ASAP1: variants seen among roughly 807,000 people sequenced by gnomAD.
ASAP1 encodes the protein ArfGAP with SH3 domain, ankyrin repeat and PH domain 1.
In ASAP1, 43 loss-of-function variants were observed where a neutral mutation model predicts 145.2. The observed-to-expected ratio is 0.30, with a 90% CI of 0.23 to 0.38. The LOEUF (loss-of-function observed/expected upper bound fraction) is 0.38. ASAP1 is among the 10% of genes least tolerant of loss of function. ASAP1 has a pLI of 1.00. For synonymous variants in ASAP1, 546 were observed against 515.5 expected (o/e 1.06, Z -0.80); for missense variants, 1,018 against 1,355.3 (o/e 0.75, Z 3.91).
At chr8:130,280,058 A>G (rs935652554) in intron 3 of ASAP1, among the ~76,000 whole-genome samples, 1 of 152,188 alleles carries the variant, frequency 6.6e-6, no homozygotes. Flanking sequence ...TGGTCATCAA[A>G]AAGAGATAGG....
chr8:130,384,175 CG>C (rs1483502610), intron 2 of ASAP1, among the ~76,000 whole-genome samples: 1 of 152,172 alleles, frequency 6.6e-6, no homozygotes, highest in Non-Finnish European at 1.5e-5. Flanking sequence ...AAGGACAAGA[CG>C]ACCTTCTGAG....
chr8:130,060,452 C>T (rs1272967528), intron 28 of ASAP1, 127 bp downstream of exon 28: 13 of 1,294,956 alleles, frequency 1.0e-5, no homozygotes, highest in African/African-American at 6.0e-5. Context: ...CATGCTTGAA[C>T]CAGAGCACAT....
chr8:130,093,666 C>CAAAAAAAAAAAAAAAA lies in ASAP1; in HGVS notation c.2402-1539_2402-1524dup, dbSNP rs71572317. 1.3e-4 allele frequency among the ~76,000 whole-genome samples: 7 copies of CAAAAAAAAAAAAAAAA among 52,196 alleles called. 1 individual carries two copies. Among genetic ancestry groups the CAAAAAAAAAAAAAAAA allele is most frequent in the Admixed American group, 2.8e-4 (1 of 3,624 alleles). 34.2% of individuals were successfully genotyped at this position (52,196 alleles called of 152,430 possible). On this transcript the variant is annotated intron_variant, in intron 24 of 29. Coordinates refer to ENST00000518721, the MANE Select transcript of ASAP1 (RefSeq NM_018482.4). ...TGGCTGTCACAGCGAGACTCCGTCT[C>CAAAAAAAAAAAAAAAA]AAAAAAAAAAAAAAAAAAAAAAAGA...
intron 3 of ASAP1, among the ~76,000 whole-genome samples, chr8:130,267,589 G>A (rs577022327): frequency 6.6e-6 from 1 of 152,216 alleles, no homozygotes; most frequent in South Asian, 2.1e-4. Context: ...AACCATTCTG[G>A]TATCTCAGCA....
chr8:130,134,244 AG>A, intron 15 of ASAP1, 51 bp downstream of exon 15: 3 of 1,377,358 alleles, frequency 2.2e-6, no homozygotes, highest in Non-Finnish European at 3.0e-6. Flanking sequence ...TTGTAAACAG[AG>A]AGGTGCTTTT....
At chr8:130,218,494 C>T (rs1817072973) in intron 4 of ASAP1, among the ~76,000 whole-genome samples, 1 of 152,112 alleles carries the variant, frequency 6.6e-6, no homozygotes, top group African/African-American at 2.4e-5. Flanking sequence ...CAGCCATTAT[C>T]CTGAATTGAA....
intron 2 of ASAP1, among the ~76,000 whole-genome samples, chr8:130,393,494 G>A (rs771388876): frequency 6.6e-6 from 1 of 152,206 alleles, no homozygotes; most frequent in Non-Finnish European, 1.5e-5. Context: ...AGTGGCTCAT[G>A]CCTGTAGTCC....
chr8:130,104,990 T>A (rs569805516), intron 24 of ASAP1, among the ~76,000 whole-genome samples: 1 of 152,326 alleles, frequency 6.6e-6, no homozygotes, highest in South Asian at 2.1e-4. Flanking sequence ...GTTATATCTA[T>A]CCAACTTGGG....
intron 24 of ASAP1, among the ~76,000 whole-genome samples, chr8:130,093,108 TAA>T (rs773462101): frequency 2.0e-5 from 3 of 151,776 alleles, no homozygotes; most frequent in Non-Finnish European, 4.4e-5. Flanking sequence ...TTTTATAGAC[TAA>T]AAAAAAGACT....
At chr8:130,439,905 G>C (rs1051053157) in intron 1 of ASAP1, among the ~76,000 whole-genome samples, 1 of 152,180 alleles carries the variant, frequency 6.6e-6, no homozygotes, top group African/African-American at 2.4e-5. Context: ...ATGCCTCCTA[G>C]ACATCTCAAA....
chr8:130,116,622 T>A, intron 22 of ASAP1, 56 bp downstream of exon 22: 1 of 1,451,462 alleles, frequency 6.9e-7, no homozygotes. Context: ...CTTCTCAGAA[T>A]GACACTTTTA....
At chr8:130,128,565 A>T (rs1192580732) in intron 15 of ASAP1, among the ~76,000 whole-genome samples, 1 of 152,222 alleles carries the variant, frequency 6.6e-6, no homozygotes, top group Middle Eastern at 3.2e-3. Context: ...GGGGACACTT[A>T]ACAGTGAAAA....
At chr8:130,193,394 ACAAAAAAAACCCC>A (rs1488488761) in intron 5 of ASAP1, among the ~76,000 whole-genome samples, 2 of 151,754 alleles carry the variant, frequency 1.3e-5, no homozygotes, top group Non-Finnish European at 2.9e-5. Context: ...AAAACAAAAG[ACAAAAAAAACCCC>A]CAAAAAACTC....
intron 4 of ASAP1, among the ~76,000 whole-genome samples, chr8:130,219,422 T>A (rs143410469): frequency 5.2e-4 from 79 of 152,128 alleles, no homozygotes; most frequent in Middle Eastern, 3.4e-3. Context: ...CAGTAAGCCA[T>A]CTGAGGGGAA....
intron 24 of ASAP1, among the ~76,000 whole-genome samples, chr8:130,110,801 C>T (rs1382534006): frequency 6.6e-6 from 1 of 152,152 alleles, no homozygotes; most frequent in Non-Finnish European, 1.5e-5. Flanking sequence ...TGAAAAAACA[C>T]TGTTTTGAAT....
At chr8:130,419,052 CT>C (rs1452522058) in intron 1 of ASAP1, among the ~76,000 whole-genome samples, 1 of 152,194 alleles carries the variant, frequency 6.6e-6, no homozygotes, top group Non-Finnish European at 1.5e-5. Flanking sequence ...ACATCAGGCC[CT>C]GCAGCCAGGG....
chr8:130,094,396 T>C (rs1025406156), intron 24 of ASAP1, among the ~76,000 whole-genome samples: 2 of 152,066 alleles, frequency 1.3e-5, no homozygotes, highest in Non-Finnish European at 2.9e-5. Flanking sequence ...AATTTTTAAA[T>C]TTTTAGTAGA....
rs766502783 is a variant in ASAP1 at position 130,118,695 on chromosome 8, AG to A, written c.1608-21del. 2.4e-5 allele frequency: 34 copies of A among 1,416,740 alleles called. No individual in the cohort carries two copies. The highest frequency in any genetic ancestry group is 3.1e-5 in the Non-Finnish European group (33 of 1,070,316). The allele number at this position is 1,416,740 out of a possible 1,614,324, so 87.8% of individuals were successfully genotyped here. On this transcript the variant is annotated intron_variant, in intron 18 of 29. Transcript: ENST00000518721. ...ACAGTCCTAAAACAGAACAAAATAA[AG>A]AATTTTTATTTTCCAAGTGCTAGGA...
intron 3 of ASAP1, among the ~76,000 whole-genome samples, chr8:130,278,644 A>G (rs377571025): frequency 1.3e-5 from 2 of 152,360 alleles, no homozygotes; most frequent in African/African-American, 4.8e-5. Context: ...GACATACGAT[A>G]AAACAGTCGA....
Sources: allele counts gnomAD v4.1 joint callset (sites outside exome capture counted in the v4.1 genomes callset), GRCh38; gene constraint gnomAD v4.1.1; transcripts MANE v1.5; gene names NCBI Gene and HGNC (gene_info 2026-07-23, HGNC 2026-07-21).